KCNK10: variants seen among roughly 807,000 people sequenced by gnomAD.
KCNK10 encodes potassium channel subfamily K member 10.
Under a neutral mutation model 47.7 loss-of-function variants are expected in KCNK10, and 25 were observed. That is an observed-to-expected ratio of 0.52 (90% CI 0.38 to 0.73). The LOEUF is 0.73. KCNK10 is among the 30% of genes least tolerant of loss of function. The pLI, the probability that KCNK10 is intolerant of heterozygous loss-of-function variation, is 0.00. For synonymous variants in KCNK10, 303 were observed against 285.6 expected (o/e 1.06, Z -0.61); for missense variants, 563 against 714.5 (o/e 0.79, Z 2.42).
chr14:88,266,287 A>G (rs1359618814), intron 1 of KCNK10, among the ~76,000 whole-genome samples: 1 of 152,228 alleles, frequency 6.6e-6, no homozygotes, highest in Non-Finnish European at 1.5e-5. Context: ...TACTGAAAGC[A>G]GGTCCTCAAA....
chr14:88,263,447 G>C lies in KCNK10; in HGVS notation c.157C>G (p.Arg53Gly), dbSNP rs141243339. The change falls in exon 2 of 7, where the codon CGA (arginine) becomes GGA (glycine). Residue 53 changes from arginine (R) to glycine (G), a missense_variant. By Grantham distance (125) the Arg-to-Gly change is moderately radical. Coordinates refer to ENST00000319231, the MANE Select transcript of KCNK10 (RefSeq NM_138317.3). Reference sequence around the variant, plus strand: ...TCCATCCTGGCTACCACTGTGGCTCGGGAGGAAATGGACAGGCGCGGAGTT... The same window carrying C: ...TCCATCCTGGCTACCACTGTGGCTCCGGAGGAAATGGACAGGCGCGGAGTT... Reference protein sequence around the residue: ...TPTPRLSISSRATVVARMEGT... With the variant: ...TPTPRLSISSGATVVARMEGT... 1.2e-6 allele frequency: 2 copies of C among 1,614,118 alleles called. No homozygotes were observed. Among genetic ancestry groups the C allele is most frequent in the South Asian group, 1.1e-5 (1 of 91,084 alleles).
chr14:88,184,622 G>C lies in KCNK10; in HGVS notation c.*913C>G, dbSNP rs930691025. 5 of 152,336 alleles carry C rather than the reference G, an allele frequency of 3.3e-5. No homozygotes were observed. Among genetic ancestry groups the C allele is most frequent in the African/African-American group, 1.2e-4 (5 of 41,454 alleles). 9.4% of individuals were successfully genotyped at this position (152,336 alleles called of 1,614,324 possible). A position where few individuals can be genotyped will look rare whatever the true frequency, so the allele number is the denominator to read the frequency against. On this transcript the variant is annotated 3_prime_UTR_variant, in exon 7 of 7. Coordinates refer to ENST00000319231, the MANE Select transcript of KCNK10 (RefSeq NM_138317.3). The stretch of plus-strand genomic sequence containing the variant: ...AGCTAGACAGAACAGCAAGCCACTG[G>C]CATCATGCAAGGCAATTGTTTTGGT...
chr14:88,184,474 C>G lies in KCNK10; in HGVS notation c.*1061G>C, dbSNP rs1017403879. 8 of 152,308 alleles carry G rather than the reference C, an allele frequency of 5.3e-5. No homozygotes were observed. The highest frequency in any genetic ancestry group is 1.2e-4 in the Non-Finnish European group (8 of 68,034). 9.4% of individuals were successfully genotyped at this position (152,308 alleles called of 1,614,324 possible). A position where few individuals can be genotyped will look rare whatever the true frequency, so the allele number is the denominator to read the frequency against. ...TTGTTTGGAGATAGCGAGATTGGAT[C>G]TTATCACTATGTCTACCCTAAGACA... On this transcript the variant is annotated 3_prime_UTR_variant, in exon 7 of 7. Coordinates refer to ENST00000319231, the MANE Select transcript of KCNK10 (RefSeq NM_138317.3).
At chr14:88,240,875 T>C (rs1210175025) in intron 2 of KCNK10, 55 bp from the exon 3 acceptor site, 3 of 1,172,724 alleles carry the variant, frequency 2.6e-6, no homozygotes, top group Non-Finnish European at 3.7e-6. Context: ...TTATTTTTTT[T>C]TTCTTCAAAA....
upstream of KCNK10, chr14:88,326,491 C>G: frequency 1.3e-6 from 2 of 1,572,234 alleles, no homozygotes; most frequent in Non-Finnish European, 1.7e-6. Flanking sequence ...TTCTGTCTCC[C>G]TCTGTGCCGC....
In KCNK10 at chr14:88,184,399, C is replaced by G. The variant is rs1406680490; in HGVS notation, c.*1136G>C. The G allele has an allele frequency of 6.6e-6, 1 of 152,328 alleles. No homozygotes were observed. Among genetic ancestry groups the G allele is most frequent in the Non-Finnish European group, 1.5e-5 (1 of 68,036 alleles). 9.4% of individuals were successfully genotyped at this position (152,328 alleles called of 1,614,324 possible). On this transcript the variant is annotated 3_prime_UTR_variant, in exon 7 of 7. Coordinates refer to ENST00000319231, the MANE Select transcript of KCNK10 (RefSeq NM_138317.3). ...AATGGAATTAATGGCACTTACGCTG[C>G]AAGCAATAAAAACATTTCAAGCTTA...
chr14:88,185,632 C>T lies in KCNK10; in HGVS notation c.1535G>A (p.Cys512Tyr). ...DNSSTAMLTD[C>Y]IQQHAELENG... The stretch of plus-strand genomic sequence containing the variant: ...CTCCAACTCAGCGTGCTGCTGGATA[C>T]AGTCCGTCAGCATGGCTGTGCTGGA... Residue 512 changes from cysteine (C) to tyrosine (Y), a missense_variant, in exon 7 of 7, where the codon TGT (cysteine) becomes TAT (tyrosine). Physicochemically the swap from Cys to Tyr is radical, Grantham distance 194. Coordinates refer to ENST00000319231, the MANE Select transcript of KCNK10 (RefSeq NM_138317.3). This position sits in a 1 kb window ranked among gnomAD's most constrained non-coding sequence, Gnocchi z 4.3. The T allele has an allele frequency of 6.2e-7, 1 of 1,614,184 alleles. No individual in the cohort carries two copies. The highest frequency in any genetic ancestry group is 8.5e-7 in the Non-Finnish European group (1 of 1,180,026).
At position 88,209,749 on chromosome 14, in the gene KCNK10, G is replaced by A. The variant is rs532446857; in HGVS notation, c.682-17339C>T. ...GTAGGACAGAGGGCAGCATCAGCAA[G>A]CATCTCTTCATTTGTGAAGCTTACA... is the stretch of plus-strand genomic sequence containing the variant. On this transcript the variant is annotated intron_variant, in intron 4 of 6. Transcript: ENST00000319231. Among the ~76,000 whole-genome samples, 20 of 152,312 alleles carry A rather than the reference G, an allele frequency of 1.3e-4. No homozygotes were observed. The South Asian group carries it at 3.9e-3, about 30-fold the overall frequency.
intron 1 of KCNK10, among the ~76,000 whole-genome samples, chr14:88,282,453 A>T (rs386751): frequency 0.021 from 3,211 of 152,292 alleles, 68 homozygotes; most frequent in Non-Finnish European, 0.032. Context: ...ATAATTCCAA[A>T]TCTCAATATT....
chr14:88,206,290 T>C (rs1390848920), intron 4 of KCNK10, among the ~76,000 whole-genome samples: 1 of 152,172 alleles, frequency 6.6e-6, no homozygotes, highest in Non-Finnish European at 1.5e-5. Flanking sequence ...AGGGGCACGT[T>C]TGGCATGTAC....
chr14:88,280,827 C>T (rs1055960970), intron 1 of KCNK10, among the ~76,000 whole-genome samples: 2 of 152,138 alleles, frequency 1.3e-5, no homozygotes, highest in South Asian at 4.1e-4. Context: ...CCAGCCATAG[C>T]CTTCTCTCAG....
At chr14:88,310,913 C>G (rs1057276861) in intron 1 of KCNK10, among the ~76,000 whole-genome samples, 2 of 152,118 alleles carry the variant, frequency 1.3e-5, no homozygotes, top group African/African-American at 4.8e-5. Context: ...AGCGAGCGCA[C>G]CACAGTTTTG....
Position 88,186,467 on chromosome 14 carries a change from G to C in KCNK10, c.1012-312C>G, listed in dbSNP as rs1451607927. Among the ~76,000 whole-genome samples, 1 of 152,118 alleles carries C rather than the reference G, an allele frequency of 6.6e-6. No homozygotes were observed. Among genetic ancestry groups the C allele is most frequent in the Non-Finnish European group, 1.5e-5 (1 of 68,018 alleles). On this transcript the variant is annotated intron_variant, in intron 6 of 6. Transcript: ENST00000319231. This position sits in a 1 kb window ranked among gnomAD's most constrained non-coding sequence, Gnocchi z 5.5. ...CAGGAGAGGTTAAAATGTGGAGTTG[G>C]ACAGGCCTGGCTTCCAGCTCTCTCT...
intron 2 of KCNK10, among the ~76,000 whole-genome samples, chr14:88,247,171 C>G (rs1566701127): frequency 6.6e-6 from 1 of 152,150 alleles, no homozygotes; most frequent in Non-Finnish European, 1.5e-5. Context: ...TCTTTTTTCT[C>G]TATCTCAGAC....
chr14:88,269,067 G>C (rs1388226621), intron 1 of KCNK10, among the ~76,000 whole-genome samples: 2 of 152,210 alleles, frequency 1.3e-5, no homozygotes, highest in African/African-American at 2.4e-5. Context: ...GAACCAGGTA[G>C]GTGGAGGTTG....
chr14:88,192,385 A>G lies in KCNK10; in HGVS notation c.707T>C (p.Ile236Thr), dbSNP rs757725299. The change falls in exon 5 of 7, where the codon ATC becomes ACC. Residue 236 changes from isoleucine to threonine, a missense_variant. Ile to Thr is a moderately conservative substitution (Grantham distance 89). Transcript: ENST00000319231. ...FRKKQVSQTK[I>T]RVISTILFIL... ...GAACAGGATGGTTGAGATGACCCGG[A>G]TCTTGGTCTGACTCACTTGCTTTTT... The G allele has an allele frequency of 6.2e-7, 1 of 1,613,956 alleles. No homozygotes were observed. The highest frequency in any genetic ancestry group is 1.1e-5 in the South Asian group (1 of 91,002).
rs932414597 is a variant in KCNK10, at chr14:88,192,399, C to T, written c.693G>A (p.Val231=). ...AGATGACCCGGATCTTGGTCTGACT[C>T]ACTTGCTTTTTCTAGGAAGAGCAAA... is the stretch of plus-strand genomic sequence containing the variant. ...RVEKVFRKKQ[V]SQTKIRVIST... is the part of the protein sequence containing the mutation. Residue 231 remains valine (V), a synonymous_variant, in exon 5 of 7, where the codon GTG becomes GTA. Transcript: ENST00000319231. 1.2e-6 allele frequency: 2 copies of T among 1,613,522 alleles called. No homozygotes were observed. The highest frequency in any genetic ancestry group is 1.3e-5 in the African/African-American group (1 of 74,896).
intron 3 of KCNK10, among the ~76,000 whole-genome samples, chr14:88,230,717 T>A (rs978977138): frequency 6.6e-6 from 1 of 152,142 alleles, no homozygotes. Flanking sequence ...CCACTTCAAT[T>A]TGTACTGGGT....
At chr14:88,294,944 C>A (rs1467785229) in intron 1 of KCNK10, among the ~76,000 whole-genome samples, 2 of 152,202 alleles carry the variant, frequency 1.3e-5, no homozygotes, top group African/African-American at 4.8e-5. Flanking sequence ...TATTCTAATT[C>A]TCTTCAATGT....
Sources: allele counts gnomAD v4.1 joint callset (sites outside exome capture counted in the v4.1 genomes callset), GRCh38; gene constraint gnomAD v4.1.1; non-coding constraint Gnocchi (gnomAD v3.1); transcripts MANE v1.5; gene names NCBI Gene and HGNC (gene_info 2026-07-23, HGNC 2026-07-21).